Variants in LUZP2 observed in about 807,000 individuals in gnomAD.
LUZP2 encodes the protein leucine zipper protein 2.
In LUZP2, 52 loss-of-function variants were observed where a neutral mutation model predicts 51.6. That is an observed-to-expected ratio of 1.01 (90% CI 0.81 to 1.27). LUZP2 has a LOEUF of 1.27. Among genes scored for constraint, LUZP2 ranks in the 50% most tolerant of loss-of-function variants. The probability of loss-of-function intolerance (pLI) is 0.00; values close to 1 mark genes in which losing one functional copy is unlikely to be tolerated. For synonymous variants in LUZP2, 154 were observed against 137.3 expected, an observed-to-expected ratio of 1.12 and a Z score of -0.85; for missense variants, 436 against 395.4, an observed-to-expected ratio of 1.10 and a Z score of -0.87.
chr11:24,645,681 C>CA (rs138168779), intron 1 of LUZP2, among the ~76,000 whole-genome samples: 3,609 of 152,104 alleles, frequency 0.024, 66 homozygotes, highest in Non-Finnish European at 0.036. Flanking sequence ...ATAGCTTTCA[C>CA]AAAAAATTAA....
intron 7 of LUZP2, among the ~76,000 whole-genome samples, chr11:24,930,697 T>C (rs1049051360): frequency 1.3e-5 from 2 of 152,198 alleles, no homozygotes; most frequent in African/African-American, 4.8e-5. Flanking sequence ...GATGACTATG[T>C]GCCTAGGTGA....
intron 1 of LUZP2, among the ~76,000 whole-genome samples, chr11:24,617,636 C>A (rs1854332949): frequency 1.3e-5 from 2 of 152,034 alleles, no homozygotes. Context: ...GCCTGGGCAA[C>A]ACAGTGAAAC....
chr11:24,819,956 T>C (rs932533745), intron 5 of LUZP2, among the ~76,000 whole-genome samples: 1 of 152,236 alleles, frequency 6.6e-6, no homozygotes, highest in East Asian at 1.9e-4. Flanking sequence ...CAATTATTCA[T>C]GCATTTTATT....
chr11:24,957,198 C>T (rs954397095), intron 7 of LUZP2, among the ~76,000 whole-genome samples: 3 of 152,068 alleles, frequency 2.0e-5, no homozygotes, highest in Non-Finnish European at 4.4e-5. Context: ...TTATCTTTCG[C>T]TTATTCTCTT....
chr11:24,623,403 A>G (rs1265479426), intron 1 of LUZP2, among the ~76,000 whole-genome samples: 2 of 152,108 alleles, frequency 1.3e-5, no homozygotes, highest in Non-Finnish European at 2.9e-5. Context: ...TCTTTTTGTC[A>G]TTTTTTTGAT....
intron 4 of LUZP2, among the ~76,000 whole-genome samples, chr11:24,741,949 T>G (rs11028133): frequency 9.5e-5 from 10 of 105,172 alleles, no homozygotes; most frequent in South Asian, 2.6e-4. Flanking sequence ...ATATATACAT[T>G]TATATATTAT....
chr11:24,967,345 A>C (rs1448804715), intron 7 of LUZP2, among the ~76,000 whole-genome samples: 1 of 146,054 alleles, frequency 6.8e-6, no homozygotes, highest in Non-Finnish European at 1.5e-5. Context: ...TAATTCATAG[A>C]CATTGTATAT....
At position 24,890,362 on chromosome 11, in the gene LUZP2, A is replaced by G. The variant is rs1852806944; in HGVS notation, c.397-15629A>G. 4.6e-5 allele frequency among the ~76,000 whole-genome samples: 7 copies of G among 152,340 alleles called. 1 individual carries two copies. The South Asian group carries it at 1.2e-3, about 27-fold the overall frequency. On this transcript the variant is annotated intron_variant, in intron 5 of 11. Coordinates refer to ENST00000336930, the MANE Select transcript of LUZP2 (RefSeq NM_001009909.4). Reference sequence around the variant, plus strand: ...GACAATAATAACATGATTAATTCAAATTCTAGCAGATCCTTTAAAAAATCT... The same window carrying G: ...GACAATAATAACATGATTAATTCAAGTTCTAGCAGATCCTTTAAAAAATCT...
intron 3 of LUZP2, 116 bp downstream of exon 3, chr11:24,732,304 T>C (rs1590414520): frequency 2.8e-6 from 2 of 705,850 alleles, no homozygotes; most frequent in Non-Finnish European, 4.6e-6. Context: ...TCACTTATAC[T>C]TAAATATGCA....
intron 9 of LUZP2, among the ~76,000 whole-genome samples, chr11:24,992,684 C>T (rs1198057624): frequency 6.6e-6 from 1 of 152,044 alleles, no homozygotes; most frequent in Non-Finnish European, 1.5e-5. Context: ...GACTGAAATA[C>T]AAATATTTAT....
chr11:24,963,846 CG>C (rs1280943702), intron 7 of LUZP2, among the ~76,000 whole-genome samples: 1 of 152,120 alleles, frequency 6.6e-6, no homozygotes, highest in Non-Finnish European at 1.5e-5. Flanking sequence ...AGAAATCACC[CG>C]TCTTCTGCGT....
intron 9 of LUZP2, among the ~76,000 whole-genome samples, chr11:24,995,817 C>T (rs1352521243): frequency 6.6e-6 from 1 of 151,878 alleles, no homozygotes; most frequent in Non-Finnish European, 1.5e-5. Flanking sequence ...GTTTGGTTTT[C>T]ACTTGCTGTT....
chr11:24,941,777 A>G lies in LUZP2; in HGVS notation c.522+27239A>G, dbSNP rs145909612. On this transcript the variant is annotated intron_variant, in intron 7 of 11. Coordinates refer to ENST00000336930, the MANE Select transcript of LUZP2 (RefSeq NM_001009909.4). ...GTATTTATTGTCAGCTATAAGTATA[A>G]TTTGTGTTCAATAAAATCCATCATT... is the stretch of plus-strand genomic sequence containing the variant. Among the ~76,000 whole-genome samples the G allele has an allele frequency of 3.7e-3, 563 of 152,216 alleles. 4 individuals are homozygous for G. Among genetic ancestry groups the G allele is most frequent in the Middle Eastern group, 6.8e-3 (2 of 294 alleles).
intron 1 of LUZP2, among the ~76,000 whole-genome samples, chr11:24,677,929 C>T (rs1201640075): frequency 7.9e-5 from 12 of 151,698 alleles, no homozygotes; most frequent in Admixed American, 5.9e-4. Context: ...CCCAGCTACT[C>T]GGGAGGCTGA....
At chr11:24,966,874 A>G (rs1198913268) in intron 7 of LUZP2, among the ~76,000 whole-genome samples, 1 of 147,744 alleles carries the variant, frequency 6.8e-6, no homozygotes, top group Non-Finnish European at 1.5e-5. Context: ...ATGTGTGTGC[A>G]TGTGTAAAGT....
chr11:24,502,106 G>C (rs995001609), intron 1 of LUZP2, among the ~76,000 whole-genome samples: 1 of 140,414 alleles, frequency 7.1e-6, no homozygotes, highest in Non-Finnish European at 1.5e-5. Context: ...GAGTTCATCC[G>C]TGGAAACAGT....
chr11:24,921,045 A>T (rs1321882898), intron 7 of LUZP2, among the ~76,000 whole-genome samples: 1 of 152,198 alleles, frequency 6.6e-6, no homozygotes, highest in Non-Finnish European at 1.5e-5. Flanking sequence ...ACATTGTATT[A>T]GGTATTAATA....
intron 5 of LUZP2, among the ~76,000 whole-genome samples, chr11:24,884,479 A>G (rs551251777): frequency 1.3e-5 from 2 of 152,094 alleles, no homozygotes; most frequent in African/African-American, 4.8e-5. Context: ...TCTCCCTATA[A>G]AATACAGCCT....
Position 24,672,575 on chromosome 11 carries a change from A to T in LUZP2, c.63-56594A>T, listed in dbSNP as rs185074180. On this transcript the variant is annotated intron_variant, in intron 1 of 11. Transcript: ENST00000336930. Reference sequence around the variant, plus strand: ...GAAAACCCCACTAGATACCATTAAAAATAAAAAACTACTGTCTTTGCTTTC... The same window carrying T: ...GAAAACCCCACTAGATACCATTAAATATAAAAAACTACTGTCTTTGCTTTC... 5.3e-5 allele frequency among the ~76,000 whole-genome samples: 8 copies of T among 152,324 alleles called. No homozygotes were observed. In the East Asian group the frequency reaches 1.5e-3, roughly 29 times the overall value.
Sources: allele counts gnomAD v4.1 joint callset (sites outside exome capture counted in the v4.1 genomes callset), GRCh38; gene constraint gnomAD v4.1.1; transcripts MANE v1.5; gene names NCBI Gene and HGNC (gene_info 2026-07-23, HGNC 2026-07-21).